The following DLG2 variants were observed in gnomAD, a reference collection of about 807,000 sequenced individuals.
The protein encoded by DLG2 is disks large homolog 2.
A neutral mutation model predicts 132.5 loss-of-function variants in DLG2; 45 were observed. The ratio of observed to expected loss-of-function variants is 0.34; its 90% CI spans 0.27 to 0.44. DLG2 has a LOEUF of 0.44. DLG2 is among the 20% of genes least tolerant of loss of function. The probability of loss-of-function intolerance (pLI) is 1.00; values close to 1 mark genes in which losing one functional copy is unlikely to be tolerated. For synonymous variants in DLG2, 424 were observed against 419.6 expected, an observed-to-expected ratio of 1.01 and a Z score of -0.13; for missense variants, 1,045 against 1,196.9, an observed-to-expected ratio of 0.87 and a Z score of 1.87.
At chr11:85,363,620 C>T (rs1018021050) in intron 3 of DLG2, among the ~76,000 whole-genome samples, 5 of 152,068 alleles carry the variant, frequency 3.3e-5, no homozygotes, top group Non-Finnish European at 7.4e-5. Flanking sequence ...AGAGAAAGGA[C>T]CAATTTAATC....
intron 7 of DLG2, among the ~76,000 whole-genome samples, chr11:84,319,483 G>T (rs969175068): frequency 1.3e-5 from 2 of 152,148 alleles, no homozygotes; most frequent in African/African-American, 4.8e-5. Context: ...CATCTTCAGG[G>T]AACACATGTC....
chr11:85,222,269 G>C (rs2074697546), intron 4 of DLG2, among the ~76,000 whole-genome samples: 1 of 151,988 alleles, frequency 6.6e-6, no homozygotes, highest in Admixed American at 6.6e-5. Flanking sequence ...CCTGGCCCCA[G>C]AATACATTTT....
intron 6 of DLG2, among the ~76,000 whole-genome samples, chr11:85,059,911 G>A (rs917234662): frequency 2.6e-5 from 4 of 151,376 alleles, no homozygotes; most frequent in Non-Finnish European, 4.4e-5. Context: ...GTATAAATAC[G>A]TAAATATACT....
intron 15 of DLG2, among the ~76,000 whole-genome samples, chr11:83,909,917 T>C (rs1046297785): frequency 2.0e-5 from 3 of 152,204 alleles, no homozygotes; most frequent in Non-Finnish European, 4.4e-5. Flanking sequence ...GCAGCCTCAA[T>C]GTCTCCATGT....
intron 9 of DLG2, among the ~76,000 whole-genome samples, chr11:84,115,695 G>A (rs971546627): frequency 1.3e-5 from 2 of 152,134 alleles, no homozygotes; most frequent in Admixed American, 6.5e-5. Flanking sequence ...CAGCTCAAGC[G>A]TTACCACCTC....
intron 7 of DLG2, among the ~76,000 whole-genome samples, chr11:84,339,240 T>C (rs551644056): frequency 1.3e-5 from 2 of 152,266 alleles, no homozygotes; most frequent in South Asian, 4.1e-4. Context: ...GGAACTGTGT[T>C]AAAAGCAAAA....
intron 6 of DLG2, among the ~76,000 whole-genome samples, chr11:84,782,305 C>G (rs1224207481): frequency 6.6e-6 from 1 of 151,848 alleles, no homozygotes; most frequent in African/African-American, 2.4e-5. Context: ...TCACTAGGTA[C>G]CTTTAAGTTT....
At chr11:85,104,129 A>T (rs1370107197) in intron 6 of DLG2, among the ~76,000 whole-genome samples, 4 of 151,906 alleles carry the variant, frequency 2.6e-5, no homozygotes, top group Non-Finnish European at 5.9e-5. Context: ...AAATGGTGCA[A>T]ATGTTATGGG....
intron 17 of DLG2, among the ~76,000 whole-genome samples, chr11:83,805,624 G>A (rs574814298): frequency 3.9e-5 from 6 of 152,060 alleles, no homozygotes; most frequent in Admixed American, 6.5e-5. Context: ...TAGTCATCTT[G>A]TATATCACAA....
At chr11:85,100,149 A>G (rs2070643402) in intron 6 of DLG2, among the ~76,000 whole-genome samples, 1 of 152,196 alleles carries the variant, frequency 6.6e-6, no homozygotes, top group Non-Finnish European at 1.5e-5. Context: ...TTTCAGTTAT[A>G]TCTTACACTA....
intron 18 of DLG2, among the ~76,000 whole-genome samples, chr11:83,668,850 CAT>C (rs1160407915): frequency 3.1e-5 from 4 of 130,022 alleles, no homozygotes; most frequent in South Asian, 4.9e-4. Flanking sequence ...CACACACACA[CAT>C]ATATATATAT....
At chr11:84,582,569 A>C (rs1413010028) in intron 6 of DLG2, among the ~76,000 whole-genome samples, 2 of 150,618 alleles carry the variant, frequency 1.3e-5, no homozygotes, top group South Asian at 2.1e-4. Flanking sequence ...AATAATAATA[A>C]TACTATAATT....
intron 3 of DLG2, among the ~76,000 whole-genome samples, chr11:85,546,828 T>C (rs2076362982): frequency 1.4e-5 from 2 of 147,900 alleles, no homozygotes; most frequent in African/African-American, 2.5e-5. Context: ...CTTTTTTTTT[T>C]TTTTTTTTTT....
At chr11:85,570,671 T>C (rs1366167236) in intron 3 of DLG2, among the ~76,000 whole-genome samples, 5 of 152,166 alleles carry the variant, frequency 3.3e-5, no homozygotes, top group Non-Finnish European at 5.9e-5. Context: ...ACTTCAAATG[T>C]CTTTCAAATA....
chr11:83,532,444 C>G (rs79988891), intron 21 of DLG2, among the ~76,000 whole-genome samples: 1 of 152,094 alleles, frequency 6.6e-6, no homozygotes, highest in East Asian at 1.9e-4. Flanking sequence ...CTATCTTGTT[C>G]TTCTTCATTG....
intron 6 of DLG2, among the ~76,000 whole-genome samples, chr11:84,945,757 T>A (rs2050115522): frequency 6.6e-6 from 1 of 152,106 alleles, no homozygotes; most frequent in Admixed American, 6.5e-5. Flanking sequence ...TTGGCCACCC[T>A]TGCTGGTGTA....
In DLG2 at chr11:85,221,792, A is replaced by G. The variant is rs530683958; in HGVS notation, c.186+63428T>C. ...TGATGGCAAAATAAGATTCAAGACCATTTGTGCCTGACTTGAAAGCCTTTG... is the reference window on the plus strand; with the variant it reads ...TGATGGCAAAATAAGATTCAAGACCGTTTGTGCCTGACTTGAAAGCCTTTG... On this transcript the variant is annotated intron_variant, in intron 4 of 27. Coordinates refer to ENST00000376104, the MANE Select transcript of DLG2 (RefSeq NM_001142699.3). 5.9e-5 allele frequency among the ~76,000 whole-genome samples: 9 copies of G among 152,306 alleles called. No homozygotes were observed. The South Asian group carries it at 1.9e-3, about 32-fold the overall frequency.
chr11:85,303,456 G>C (rs568425918), intron 3 of DLG2, among the ~76,000 whole-genome samples: 1 of 152,142 alleles, frequency 6.6e-6, no homozygotes, highest in East Asian at 1.9e-4. Flanking sequence ...CTTGGTCCAT[G>C]TAATTCAATA....
chr11:84,930,387 T>G (rs150710214), intron 6 of DLG2, among the ~76,000 whole-genome samples: 2 of 152,246 alleles, frequency 1.3e-5, no homozygotes, highest in East Asian at 3.9e-4. Flanking sequence ...TTATTCTTCA[T>G]GAACTGACAG....
Sources: allele counts gnomAD v4.1 joint callset (sites outside exome capture counted in the v4.1 genomes callset), GRCh38; gene constraint gnomAD v4.1.1; transcripts MANE v1.5; gene names NCBI Gene and HGNC (gene_info 2026-07-23, HGNC 2026-07-21).